The following AKAP19 variants were observed in gnomAD, a reference collection of about 807,000 sequenced individuals.
AKAP19 encodes small A-kinase anchoring protein.
At chr2:190,100,035 T>A in the AKAP19 span, among the ~76,000 whole-genome samples, 1 of 152,052 alleles carries the variant, frequency 6.6e-6, no homozygotes, top group East Asian at 1.9e-4. Context: ...AACACTGGAG[T>A]TGGTTCTACT....
At chr2:189,977,314 T>TAGAGCTTACAAAG in the AKAP19 span, among the ~76,000 whole-genome samples, 2 of 152,214 alleles carry the variant, frequency 1.3e-5, no homozygotes, top group African/African-American at 4.8e-5. Context: ...CTTGCCCTAA[T>TAGAGCTTACAAAG]AGAGCTTACA....
chr2:189,991,822 G>A, the AKAP19 span, among the ~76,000 whole-genome samples: 2 of 152,158 alleles, frequency 1.3e-5, no homozygotes, highest in Non-Finnish European at 2.9e-5. Context: ...GAATTTTTAT[G>A]GTTTCAGGTC....
At chr2:189,939,737 C>G in the AKAP19 span, among the ~76,000 whole-genome samples, 3 of 152,248 alleles carry the variant, frequency 2.0e-5, no homozygotes, top group Non-Finnish European at 4.4e-5. Context: ...TTTAAAAAAT[C>G]AAATATTGGA....
chr2:190,172,632 C>G, the AKAP19 span, among the ~76,000 whole-genome samples: 1 of 152,146 alleles, frequency 6.6e-6, no homozygotes, highest in Admixed American at 6.5e-5. Context: ...CCAGATTTAG[C>G]AGGCCATTCT....
At chr2:190,004,347 T>C in the AKAP19 span, among the ~76,000 whole-genome samples, 7 of 152,312 alleles carry the variant, frequency 4.6e-5, no homozygotes, top group East Asian at 5.8e-4. Flanking sequence ...TGAAAATATG[T>C]CAGATATTAT....
chr2:190,168,887 A>G, the AKAP19 span, among the ~76,000 whole-genome samples: 28,788 of 151,938 alleles, frequency 0.19, 2,858 homozygotes, highest in Middle Eastern at 0.27. Flanking sequence ...ACTTTCTCAC[A>G]TTTTCCTATC....
At chr2:189,993,357 T>A in the AKAP19 span, among the ~76,000 whole-genome samples, 18 of 152,368 alleles carry the variant, frequency 1.2e-4, no homozygotes, top group East Asian at 3.5e-3. Context: ...ATCCCTGGTA[T>A]GAAACCCACT....
the AKAP19 span, among the ~76,000 whole-genome samples, chr2:189,931,981 C>A: frequency 6.6e-6 from 1 of 152,148 alleles, no homozygotes; most frequent in Non-Finnish European, 1.5e-5. Context: ...CAACTAATGT[C>A]CTTCAAAGCA....
At chr2:190,078,330 AC>A in the AKAP19 span, among the ~76,000 whole-genome samples, 1 of 152,038 alleles carries the variant, frequency 6.6e-6, no homozygotes, top group Non-Finnish European at 1.5e-5. Context: ...CTTATATTTT[AC>A]CCTATGTTCT....
the AKAP19 span, among the ~76,000 whole-genome samples, chr2:190,006,295 G>T: frequency 2.0e-5 from 3 of 152,166 alleles, no homozygotes; most frequent in African/African-American, 7.2e-5. Flanking sequence ...TCAAATACCT[G>T]TCCCAAAGAG....
At chr2:190,079,377 C>T in the AKAP19 span, 1 of 152,200 alleles carries the variant, frequency 6.6e-6, no homozygotes, top group Admixed American at 6.5e-5. Context: ...GTGTGGGCCA[C>T]CAAACCCACA....
At chr2:189,973,393 T>G in the AKAP19 span, among the ~76,000 whole-genome samples, 1 of 152,190 alleles carries the variant, frequency 6.6e-6, no homozygotes. Flanking sequence ...TGCCAGTATT[T>G]TATTGAGGAT....
the AKAP19 span, chr2:190,199,813 T>C: frequency 6.3e-7 from 1 of 1,591,358 alleles, no homozygotes. Flanking sequence ...AAAGATGGCC[T>C]GGAAGTAGTC....
chr2:190,062,521 T>G, the AKAP19 span: 2 of 1,613,308 alleles, frequency 1.2e-6, no homozygotes, highest in East Asian at 4.5e-5. Context: ...TGCTCACTGT[T>G]CTCATTTAGA....
chr2:190,052,822 A>G, the AKAP19 span, among the ~76,000 whole-genome samples: 1 of 152,236 alleles, frequency 6.6e-6, no homozygotes, highest in Non-Finnish European at 1.5e-5. Context: ...TGAGTCAAAT[A>G]TAGCTGTTAG....
At chr2:190,168,742 A>G in the AKAP19 span, among the ~76,000 whole-genome samples, 1 of 152,204 alleles carries the variant, frequency 6.6e-6, no homozygotes, top group African/African-American at 2.4e-5. Flanking sequence ...GCTAAAACAT[A>G]ACAAGAGTCA....
chr2:190,163,100 T>G, the AKAP19 span, among the ~76,000 whole-genome samples: 1 of 152,190 alleles, frequency 6.6e-6, no homozygotes, highest in African/African-American at 2.4e-5. Context: ...TTTTAGAAAT[T>G]AGATTTTTAT....
chr2:190,037,826 A>G, the AKAP19 span, among the ~76,000 whole-genome samples: 1 of 152,360 alleles, frequency 6.6e-6, no homozygotes, highest in African/African-American at 2.4e-5. Flanking sequence ...AACTGATCTC[A>G]TCTTAATAAA....
At chr2:190,082,008 C>A in the AKAP19 span, among the ~76,000 whole-genome samples, 29 of 152,278 alleles carry the variant, frequency 1.9e-4, no homozygotes, top group African/African-American at 7.0e-4. Flanking sequence ...AGCTATCCAC[C>A]TGACATTTTC....
Sources: allele counts gnomAD v4.1 joint callset (sites outside exome capture counted in the v4.1 genomes callset), GRCh38; gene constraint gnomAD v4.1.1; transcripts MANE v1.5; gene names NCBI Gene and HGNC (gene_info 2026-07-23, HGNC 2026-07-21).